The following UBE4A variants were observed in gnomAD, a reference collection of about 807,000 sequenced individuals.
UBE4A encodes the protein ubiquitin conjugation factor E4 A.
A neutral mutation model predicts 117.9 loss-of-function variants in UBE4A; 48 were observed. The ratio of observed to expected loss-of-function variants is 0.41; its 90% CI spans 0.32 to 0.52. The LOEUF is 0.52. Ranked by LOEUF, UBE4A falls within the 20% of genes least tolerant of loss-of-function variation. UBE4A has a pLI of 0.33. For synonymous variants in UBE4A, 407 were observed against 450.0 expected (o/e 0.90, Z 1.21); for missense variants, 1,067 against 1,296.3 (o/e 0.82, Z 2.72).
At position 118,366,897 on chromosome 11, in the gene UBE4A, C is replaced by T. The variant is rs147724765; in HGVS notation, c.121+1696C>T. Among the ~76,000 whole-genome samples, 1,321 of 152,164 alleles carry T rather than the reference C, an allele frequency of 8.7e-3. 20 individuals carry two copies. The highest frequency in any genetic ancestry group is 0.03 in the African/African-American group (1,247 of 41,506). The stretch of plus-strand genomic sequence containing the variant: ...CAGCCTGGCCAACATGACAAAACCC[C>T]GTCTCTACTAAAAACACAAAAATTA... On this transcript the variant is annotated intron_variant, in intron 2 of 19. Coordinates refer to ENST00000252108, the MANE Select transcript of UBE4A (RefSeq NM_001204077.2).
At position 118,376,707 on chromosome 11, in the gene UBE4A, A is replaced by G; in HGVS notation, c.1571+13A>G. The G allele has an allele frequency of 6.2e-7, 1 of 1,611,952 alleles. No homozygotes were observed. Among genetic ancestry groups the G allele is most frequent in the Non-Finnish European group, 8.5e-7 (1 of 1,179,202 alleles). On this transcript the variant is annotated intron_variant, in intron 10 of 19. Coordinates refer to ENST00000252108, the MANE Select transcript of UBE4A (RefSeq NM_001204077.2). ...TGGGATTTCACAGGTAACTCCTCTG[A>G]TGTCATTAGGAAAAAACAGTTTAGT...
At chr11:118,381,286 GT>G (rs528786643) in intron 11 of UBE4A, 104 bp from the exon 12 acceptor site, 116 of 1,397,438 alleles carry the variant, frequency 8.3e-5, no homozygotes, top group South Asian at 5.4e-4. Context: ...AACATTTAGG[GT>G]TTTTTTTAAC....
intron 16 of UBE4A, among the ~76,000 whole-genome samples, chr11:118,387,641 A>G (rs1948771595): frequency 6.6e-6 from 1 of 152,230 alleles, no homozygotes; most frequent in African/African-American, 2.4e-5. Flanking sequence ...TTTAAAACCC[A>G]CAGTGAGGTA....
chr11:118,362,953 A>G (rs1256352258), intron 1 of UBE4A, among the ~76,000 whole-genome samples: 5 of 152,180 alleles, frequency 3.3e-5, no homozygotes, highest in Admixed American at 6.5e-5. Context: ...TTCTGGATTG[A>G]GTGGAGTGGA....
At position 118,396,492 on chromosome 11, in the gene UBE4A, T is replaced by A; in HGVS notation, c.*52T>A. The A allele has an allele frequency of 6.4e-7, 1 of 1,572,200 alleles. No homozygotes were observed. The highest frequency in any genetic ancestry group is 8.6e-7 in the Non-Finnish European group (1 of 1,164,590). On this transcript the variant is annotated 3_prime_UTR_variant, in exon 20 of 20. Transcript: ENST00000252108. The stretch of plus-strand genomic sequence containing the variant: ...CAACCCCAGAGTGCAGATAAACAAT[T>A]GTTTGTGGTTTCTCTCTTTCTGGTT...
rs368889708 is a variant in UBE4A, at chr11:118,369,565, C to G, written c.408+30C>G. ...TATTCTTACGTTCCTAATGTGTGCCCTTAGCAAAAATTAGCTATGCGGCTG... is the reference window on the plus strand; with the variant it reads ...TATTCTTACGTTCCTAATGTGTGCCGTTAGCAAAAATTAGCTATGCGGCTG... On this transcript the variant is annotated intron_variant, in intron 4 of 19. Coordinates refer to ENST00000252108, the MANE Select transcript of UBE4A (RefSeq NM_001204077.2). The G allele has an allele frequency of 4.4e-5, 69 of 1,571,128 alleles. No individual in the cohort carries two copies. In the African/African-American group the frequency reaches 9.1e-4, roughly 21 times the overall value.
Position 118,396,508 on chromosome 11 carries a change from C to T in UBE4A, c.*68C>T. 2.7e-6 allele frequency: 4 copies of T among 1,459,606 alleles called. No homozygotes were observed. Among genetic ancestry groups the T allele is most frequent in the South Asian group, 2.8e-5 (2 of 71,124 alleles). 90.4% of individuals were successfully genotyped at this position (1,459,606 alleles called of 1,614,324 possible). On this transcript the variant is annotated 3_prime_UTR_variant, in exon 20 of 20. Transcript: ENST00000252108. ...ATAAACAATTGTTTGTGGTTTCTCT[C>T]TTTCTGGTTCTGTTCCTTTTCTTTC...
chr11:118,379,453 G>A lies in UBE4A; in HGVS notation c.1579G>A (p.Asp527Asn), dbSNP rs782091305. The A allele has an allele frequency of 1.2e-6, 2 of 1,611,838 alleles. No homozygotes were observed. Among genetic ancestry groups the A allele is most frequent in the Non-Finnish European group, 1.7e-6 (2 of 1,178,416 alleles). The change falls in exon 11 of 20, where the codon GAT becomes AAT. Residue 527 changes from aspartate (D) to asparagine (N), a missense_variant. By Grantham distance (23) the Asp-to-Asn change is conservative. Around this residue, in one of 3 missense-constraint regions of UBE4A, gnomAD observed 1,001 missense variants for 1,184.0 expected, o/e 0.85. Transcript: ENST00000252108. The part of the protein sequence containing the change: ...TLYLGFHRLH[D>N]QMVKINQNLH... ...CTGCTTTCTTGGGGGCAGGTTGCAT[G>A]ATCAGATGGTAAAAATCAACCAAAA...
At chr11:118,387,043 A>AT (rs1174366784) in intron 16 of UBE4A, among the ~76,000 whole-genome samples, 1 of 152,198 alleles carries the variant, frequency 6.6e-6, no homozygotes, top group Non-Finnish European at 1.5e-5. Context: ...GCTTTCAAGG[A>AT]TTTAAAATGT....
At position 118,389,892 on chromosome 11, in the gene UBE4A, T is replaced by C. The variant is rs1948796651; in HGVS notation, c.2755T>C (p.Tyr919His). 8.2e-6 allele frequency: 13 copies of C among 1,590,754 alleles called. No individual in the cohort carries two copies. The highest frequency in any genetic ancestry group is 1.1e-5 in the Non-Finnish European group (13 of 1,162,096). Reference sequence around the variant, plus strand: ...GCTTGTATCAGATATCTGCACTATCTACTTAAATCTTGGGTACCTGAGATT... The same window carrying C: ...GCTTGTATCAGATATCTGCACTATCCACTTAAATCTTGGGTACCTGAGATT... ...QQLVSDICTIYLNLGDEENFC... is the reference protein window; with the variant it reads ...QQLVSDICTIHLNLGDEENFC... The change falls in exon 17 of 20, where the codon TAC (tyrosine) becomes CAC (histidine). Residue 919 changes from tyrosine (Y) to histidine (H), a missense_variant. Physicochemically the swap from Tyr to His is moderately conservative, Grantham distance 83. Coordinates refer to ENST00000252108, the MANE Select transcript of UBE4A (RefSeq NM_001204077.2).
intron 10 of UBE4A, chr11:118,379,082 A>G (rs1948677412): frequency 8.3e-6 from 2 of 240,918 alleles, no homozygotes; most frequent in Non-Finnish European, 1.6e-5. Context: ...AAGTATGATC[A>G]TTGCCCTTGT....
chr11:118,369,134 G>C (rs565915882), intron 3 of UBE4A, among the ~76,000 whole-genome samples: 1 of 152,326 alleles, frequency 6.6e-6, no homozygotes, highest in Admixed American at 6.5e-5. Flanking sequence ...AGAGGCATCA[G>C]AGAGTGTTTG....
Position 118,390,645 on chromosome 11 carries a change from C to A in UBE4A, c.2769-12C>A. The A allele has an allele frequency of 1.3e-6, 2 of 1,492,316 alleles. No homozygotes were observed. The highest frequency in any genetic ancestry group is 1.4e-5 in the South Asian group (1 of 72,078). The allele number at this position is 1,492,316 out of a possible 1,614,324, so 92.4% of individuals were successfully genotyped here. A position where few individuals can be genotyped will look rare whatever the true frequency, so the allele number is the denominator to read the frequency against. ...TCTGGTGATCAGTTTTTTTCTGATG[C>A]TAATGTTCCAGGGATGAGGAGAATT... On this transcript the variant is annotated splice_polypyrimidine_tract_variant and intron_variant, in intron 17 of 19. Coordinates refer to ENST00000252108, the MANE Select transcript of UBE4A (RefSeq NM_001204077.2).
At position 118,375,010 on chromosome 11, in the gene UBE4A, G is replaced by A. The variant is rs199978460; in HGVS notation, c.1231G>A (p.Ala411Thr). 1.1e-4 allele frequency: 173 copies of A among 1,613,648 alleles called. 2 individuals are homozygous for A. The East Asian group carries it at 2.0e-3, about 18-fold the overall frequency. The change falls in exon 9 of 20, where the codon GCA (alanine) becomes ACA (threonine). Residue 411 changes from alanine (A) to threonine (T), a missense_variant. By Grantham distance (58) the Ala-to-Thr change is moderately conservative (BLOSUM62 0). This residue lies in a region of UBE4A where 1,001 missense variants were observed against 1,184.0 expected (regional missense o/e 0.85). Transcript: ENST00000252108. ...GCTTGGAAACTGTTTGCATGCAAATGCAGGCCGCACCAAGATTTGGGCCAA... is the reference window on the plus strand; with the variant it reads ...GCTTGGAAACTGTTTGCATGCAAATACAGGCCGCACCAAGATTTGGGCCAA... ...SWLGNCLHAN[A>T]GRTKIWANQM...
At chr11:118,395,891 A>G (rs912393997) in intron 19 of UBE4A, among the ~76,000 whole-genome samples, 45 of 152,168 alleles carry the variant, frequency 3.0e-4, no homozygotes, top group Non-Finnish European at 8.8e-5. Context: ...CCTGGCCAAC[A>G]TGGTGAAACT....
Position 118,369,425 on chromosome 11 carries a change from G to T in UBE4A, c.298G>T (p.Asp100Tyr). The T allele has an allele frequency of 6.2e-7, 1 of 1,612,572 alleles. No individual in the cohort carries two copies. The highest frequency in any genetic ancestry group is 8.5e-7 in the Non-Finnish European group (1 of 1,178,630). Reference protein sequence around the residue: ...RIFLITLDNSDPSLKSGNGIP... With the variant: ...RIFLITLDNSYPSLKSGNGIP... The stretch of plus-strand genomic sequence containing the variant: ...ATCATATTAAAACCATTTCCCAGGT[G>T]ATCCCAGCTTGAAAAGCGGGAATGG... Residue 100 changes from aspartate (D) to tyrosine (Y), a missense_variant and splice_region_variant, in exon 4 of 20, where the codon GAT becomes TAT. Physicochemically the swap from Asp to Tyr is radical, Grantham distance 160. This residue lies in a region of UBE4A where 1,001 missense variants were observed against 1,184.0 expected (regional missense o/e 0.85). Coordinates refer to ENST00000252108, the MANE Select transcript of UBE4A (RefSeq NM_001204077.2).
In UBE4A at chr11:118,375,231, T is replaced by C; in HGVS notation, c.1450+2T>C. On this transcript the variant is annotated splice_donor_variant, in intron 9 of 19. Transcript: ENST00000252108. LOFTEE classifies it high-confidence loss of function. ...AAATTAAAAATGTACACATGAGAGGTAGGAGAGAACCAGGCTTCTCAAAAC... is the reference window on the plus strand; with the variant it reads ...AAATTAAAAATGTACACATGAGAGGCAGGAGAGAACCAGGCTTCTCAAAAC... 2 of 1,590,106 alleles carry C rather than the reference T, an allele frequency of 1.3e-6. No homozygotes were observed. The highest frequency in any genetic ancestry group is 1.7e-6 in the Non-Finnish European group (2 of 1,164,356).
intron 1 of UBE4A, among the ~76,000 whole-genome samples, chr11:118,363,864 T>C (rs562078561): frequency 1.5e-3 from 222 of 151,062 alleles, no homozygotes; most frequent in Non-Finnish European, 2.0e-3. Flanking sequence ...GTGATCCACC[T>C]GCCTCAGCCT....
At chr11:118,380,199 C>A (rs994225340) in intron 11 of UBE4A, among the ~76,000 whole-genome samples, 3 of 146,960 alleles carry the variant, frequency 2.0e-5, no homozygotes, top group African/African-American at 7.6e-5. Context: ...GAGGGGTGGG[C>A]AGGTGTTGTC....
Sources: allele counts gnomAD v4.1 joint callset (sites outside exome capture counted in the v4.1 genomes callset), GRCh38; gene constraint gnomAD v4.1.1; regional missense constraint gnomAD v4.1.1; transcripts MANE v1.5; gene names NCBI Gene and HGNC (gene_info 2026-07-23, HGNC 2026-07-21).